Variants in GULP1 observed in about 807,000 individuals in gnomAD.
GULP1 encodes PTB domain-containing engulfment adapter protein 1.
Under a neutral mutation model 40.9 loss-of-function variants are expected in GULP1, and 19 were observed. That is an observed-to-expected ratio of 0.46 (90% CI 0.32 to 0.68). GULP1 has a LOEUF of 0.68. Ranked by LOEUF, GULP1 falls within the 30% of genes least tolerant of loss-of-function variation. GULP1 has a pLI of 0.03. For missense variants in GULP1, 312 were observed against 362.2 expected (o/e 0.86, Z 1.12); for synonymous variants, 119 against 117.6 (o/e 1.01, Z -0.08).
chr2:188,376,048 C>T (rs1165884908), intron 1 of GULP1, among the ~76,000 whole-genome samples: 1 of 151,952 alleles, frequency 6.6e-6, no homozygotes, highest in Non-Finnish European at 1.5e-5. Context: ...AGTTTGATTT[C>T]AGATGCAAAC....
At chr2:188,537,637 A>G (rs1270998990) in intron 6 of GULP1, among the ~76,000 whole-genome samples, 1 of 151,944 alleles carries the variant, frequency 6.6e-6, no homozygotes, top group Non-Finnish European at 1.5e-5. Context: ...ATATTGGCCT[A>G]TAGTTTTCTT....
chr2:188,498,100 G>C (rs2063075922), intron 4 of GULP1, among the ~76,000 whole-genome samples: 1 of 151,886 alleles, frequency 6.6e-6, no homozygotes, highest in Admixed American at 6.6e-5. Flanking sequence ...ATTTCCTAAA[G>C]AGCCAGTAGA....
rs190655827 is a variant in GULP1, at chr2:188,484,398, A to C, written c.90+906A>C. ...TAAAGAAAGGTGCTATTTTGTAGTT[A>C]ATTATCACCAAACTTGTAATAGTTT... On this transcript the variant is annotated intron_variant, in intron 4 of 11. Coordinates refer to ENST00000409830, the MANE Select transcript of GULP1 (RefSeq NM_016315.4). Among the ~76,000 whole-genome samples, 40 of 152,302 alleles carry C rather than the reference A, an allele frequency of 2.6e-4. 1 individual carries two copies. The highest frequency in any genetic ancestry group is 9.4e-4 in the African/African-American group (39 of 41,576).
intron 4 of GULP1, among the ~76,000 whole-genome samples, chr2:188,501,081 A>G (rs1452257202): frequency 5.9e-5 from 9 of 151,874 alleles, no homozygotes; most frequent in Admixed American, 5.9e-4. Context: ...TATGGCTCCC[A>G]TTTTATGGAT....
chr2:188,594,218 C>CTT lies in GULP1; in HGVS notation c.*210_*211dup, dbSNP rs1011855207. Reference sequence around the variant, plus strand: ...ACAGCTTACTGTAAAGTAGATCATACTTTTATGTTCCTTTCTGTTTCTACT... The same window carrying CTT: ...ACAGCTTACTGTAAAGTAGATCATACTTTTTTATGTTCCTTTCTGTTTCTACT... On this transcript the variant is annotated 3_prime_UTR_variant, in exon 12 of 12. Transcript: ENST00000409830. 5.4e-6 allele frequency: 2 copies of CTT among 368,770 alleles called. No individual in the cohort carries two copies. The highest frequency in any genetic ancestry group is 9.8e-6 in the Non-Finnish European group (2 of 203,698). The allele number at this position is 368,770 out of a possible 1,614,324, so 22.8% of individuals were successfully genotyped here. A position where few individuals can be genotyped will look rare whatever the true frequency, so the allele number is the denominator to read the frequency against.
chr2:188,413,726 C>G lies in GULP1; in HGVS notation c.-45+29837C>G, dbSNP rs1257507945. On this transcript the variant is annotated intron_variant, in intron 2 of 11. Transcript: ENST00000409830. ...ATAATGTCAGCCACAATATAAATTC[C>G]TAGTAAATAATGCTTACATAAGGAA... Among the ~76,000 whole-genome samples the G allele has an allele frequency of 2.6e-5, 4 of 152,030 alleles. No individual in the cohort carries two copies. The East Asian group carries it at 5.8e-4, about 22-fold the overall frequency.
intron 1 of GULP1, among the ~76,000 whole-genome samples, chr2:188,294,590 A>T (rs2034512357): frequency 6.6e-6 from 1 of 151,928 alleles, no homozygotes; most frequent in Admixed American, 6.6e-5. Flanking sequence ...TAAATGGTTA[A>T]AACAAACAAA....
chr2:188,475,751 C>A (rs2060958807), intron 2 of GULP1, among the ~76,000 whole-genome samples: 1 of 151,712 alleles, frequency 6.6e-6, no homozygotes, highest in Non-Finnish European at 1.5e-5. Context: ...CAATAAATAA[C>A]CAGGTCTGTT....
At chr2:188,357,520 A>G (rs1016540387) in intron 1 of GULP1, among the ~76,000 whole-genome samples, 2 of 152,188 alleles carry the variant, frequency 1.3e-5, no homozygotes, top group Non-Finnish European at 2.9e-5. Flanking sequence ...CACAGTTAGA[A>G]TTACTATTAT....
intron 4 of GULP1, among the ~76,000 whole-genome samples, chr2:188,491,067 G>A (rs763841817): frequency 6.6e-6 from 1 of 151,890 alleles, no homozygotes; most frequent in Non-Finnish European, 1.5e-5. Context: ...CAAAGTGCTG[G>A]GATTACAGGG....
chr2:188,383,800 C>T lies in GULP1; in HGVS notation c.-134C>T, dbSNP rs1471782191. ...CCATCTGATATACATAGGAGAGAAA[C>T]TGATAGAAGAATTCTGATGGCAACT... On this transcript the variant is annotated 5_prime_UTR_variant, in exon 2 of 12. Transcript: ENST00000409830. 6.6e-6 allele frequency: 1 copy of T among 152,060 alleles called. No individual in the cohort carries two copies. Among genetic ancestry groups the T allele is most frequent in the Non-Finnish European group, 1.5e-5 (1 of 67,996 alleles). 9.4% of individuals were successfully genotyped at this position (152,060 alleles called of 1,614,324 possible).
chr2:188,425,660 T>C (rs2056094539), intron 2 of GULP1, among the ~76,000 whole-genome samples: 2 of 152,188 alleles, frequency 1.3e-5, no homozygotes, highest in Non-Finnish European at 2.9e-5. Context: ...GTAATAGAAT[T>C]AGAGTATCAC....
At chr2:188,497,778 C>A (rs977405613) in intron 4 of GULP1, among the ~76,000 whole-genome samples, 4 of 151,826 alleles carry the variant, frequency 2.6e-5, no homozygotes, top group African/African-American at 7.3e-5. Context: ...GGATCTCATG[C>A]AAGGCTTTAA....
At chr2:188,380,788 G>T (rs7595377) in intron 1 of GULP1, among the ~76,000 whole-genome samples, 43,151 of 151,982 alleles carry the variant, frequency 0.28, 7,536 homozygotes, top group African/African-American at 0.5. Flanking sequence ...AGAAATACAA[G>T]TTGGCCTGAC....
intron 1 of GULP1, among the ~76,000 whole-genome samples, chr2:188,375,611 G>A (rs1425694108): frequency 6.6e-6 from 1 of 152,110 alleles, no homozygotes; most frequent in African/African-American, 2.4e-5. Context: ...TATTTACATA[G>A]TTTTACAGCT....
At chr2:188,340,180 G>C (rs2042775196) in intron 1 of GULP1, among the ~76,000 whole-genome samples, 1 of 152,218 alleles carries the variant, frequency 6.6e-6, no homozygotes, top group Admixed American at 6.5e-5. Flanking sequence ...TTCTGTGTTA[G>C]AGAAGGGAAT....
chr2:188,376,889 T>C (rs1267600534), intron 1 of GULP1, among the ~76,000 whole-genome samples: 1 of 152,144 alleles, frequency 6.6e-6, no homozygotes. Flanking sequence ...AATAAATAAT[T>C]TGGGCCGGGC....
At chr2:188,531,619 A>G (rs1347489238) in intron 6 of GULP1, among the ~76,000 whole-genome samples, 1 of 152,216 alleles carries the variant, frequency 6.6e-6, no homozygotes, top group Admixed American at 6.5e-5. Flanking sequence ...GGCTGAAAAC[A>G]GAAAAATGAA....
At chr2:188,453,846 A>G (rs1477336277) in intron 2 of GULP1, among the ~76,000 whole-genome samples, 2 of 152,324 alleles carry the variant, frequency 1.3e-5, no homozygotes, top group South Asian at 4.1e-4. Context: ...CCAGCAGGAA[A>G]AGATATTCTA....
Sources: allele counts gnomAD v4.1 joint callset (sites outside exome capture counted in the v4.1 genomes callset), GRCh38; gene constraint gnomAD v4.1.1; transcripts MANE v1.5; gene names NCBI Gene and HGNC (gene_info 2026-07-23, HGNC 2026-07-21).